The following FXYD5 variants were observed in gnomAD, a reference collection of about 807,000 sequenced individuals.
FXYD5 encodes FXYD domain-containing ion transport regulator 5.
A neutral mutation model predicts 25.7 loss-of-function variants in FXYD5; 21 were observed. The ratio of observed to expected loss-of-function variants is 0.82; its 90% CI spans 0.58 to 1.18. The LOEUF (loss-of-function observed/expected upper bound fraction) is 1.18. Ranked by LOEUF, FXYD5 falls within the 50% of genes most tolerant of loss-of-function variation. FXYD5 has a pLI of 0.00. For synonymous variants in FXYD5, 101 were observed against 90.7 expected (o/e 1.11, Z -0.64); for missense variants, 229 against 227.7 (o/e 1.01, Z -0.04).
intron 5 of FXYD5, among the ~76,000 whole-genome samples, chr19:35,162,746 C>T (rs1323549143): frequency 6.6e-6 from 1 of 152,162 alleles, no homozygotes; most frequent in East Asian, 1.9e-4. Context: ...CTCAATATCC[C>T]TACTTGGGAT....
intron 3 of FXYD5, 109 bp downstream of exon 3, chr19:35,157,610 A>C: frequency 1.5e-6 from 1 of 646,166 alleles, no homozygotes; most frequent in Non-Finnish European, 2.8e-6. Context: ...TGTAACGAAA[A>C]AGTCCAGGTA....
At chr19:35,162,270 T>C (rs1342788729) in intron 5 of FXYD5, among the ~76,000 whole-genome samples, 1 of 151,930 alleles carries the variant, frequency 6.6e-6, no homozygotes, top group East Asian at 1.9e-4. Context: ...TCCTCCTCTA[T>C]CTTTGCTTCT....
intron 8 of FXYD5, among the ~76,000 whole-genome samples, chr19:35,169,231 C>T (rs1265593512): frequency 6.6e-6 from 1 of 152,220 alleles, no homozygotes; most frequent in Non-Finnish European, 1.5e-5. Flanking sequence ...TAATTTTTCT[C>T]CTTGTTGGTC....
At chr19:35,155,486 CG>C in intron 1 of FXYD5, 64 bp from the exon 2 acceptor site, 1 of 1,325,526 alleles carries the variant, frequency 7.5e-7, no homozygotes, top group Non-Finnish European at 1.1e-6. Flanking sequence ...GCAGGATCCC[CG>C]GGGGCTGCCG....
chr19:35,157,442 C>T lies in FXYD5; in HGVS notation c.83C>T (p.Thr28Met), dbSNP rs750600377. ...CCAGGACAGACGTTGAAAGATACCA[C>T]GTCCAGTTCTTCAGCAGACTCAACT... is the stretch of plus-strand genomic sequence containing the variant. ...PTRGQTLKDT[T>M]SSSSADSTIM... Residue 28 changes from threonine to methionine, a missense_variant, in exon 3 of 9, where the codon ACG becomes ATG. By Grantham distance (81) the Thr-to-Met change is moderately conservative. Transcript: ENST00000392219. 23 of 1,595,162 alleles carry T rather than the reference C, an allele frequency of 1.4e-5. No individual in the cohort carries two copies. The highest frequency in any genetic ancestry group is 5.4e-5 in the African/African-American group (4 of 74,478).
chr19:35,169,866 G>A lies in FXYD5; in HGVS notation c.*251G>A. ...CTCCTCTGCTAAGACAAAAAGTAAA[G>A]CACTGTGGTCTTTGCCCCAGGATCT... On this transcript the variant is annotated 3_prime_UTR_variant, in exon 9 of 9. Transcript: ENST00000392219. 2.0e-6 allele frequency: 1 copy of A among 506,100 alleles called. No individual in the cohort carries two copies. The highest frequency in any genetic ancestry group is 3.6e-6 in the Non-Finnish European group (1 of 278,768). 31.4% of individuals were successfully genotyped at this position (506,100 alleles called of 1,614,324 possible).
At chr19:35,161,358 G>T (rs900676175) in intron 5 of FXYD5, among the ~76,000 whole-genome samples, 6 of 152,058 alleles carry the variant, frequency 3.9e-5, no homozygotes, top group African/African-American at 1.2e-4. Flanking sequence ...CCCTCTCTTG[G>T]TTCTGTTGTC....
At chr19:35,168,576 G>A (rs770837135) in intron 8 of FXYD5, among the ~76,000 whole-genome samples, 2 of 152,128 alleles carry the variant, frequency 1.3e-5, no homozygotes, top group Non-Finnish European at 2.9e-5. Flanking sequence ...GCTGGAGGAG[G>A]CAAGGGTGGC....
At chr19:35,155,393 C>T (rs1381118030) in intron 1 of FXYD5, 158 bp from the exon 2 acceptor site, 1 of 655,794 alleles carries the variant, frequency 1.5e-6, no homozygotes, top group Non-Finnish European at 2.8e-6. Flanking sequence ...CTAAGACCCT[C>T]CCCTTTCCCC....
intron 7 of FXYD5, 37 bp downstream of exon 7, chr19:35,166,208 G>A (rs368642238): frequency 3.7e-6 from 6 of 1,611,970 alleles, no homozygotes; most frequent in African/African-American, 1.3e-5. Flanking sequence ...GGAAGGAAAG[G>A]TGAGGTCCGT....
intron 1 of FXYD5, 62 bp from the exon 2 acceptor site, chr19:35,155,489 G>A: frequency 7.4e-7 from 1 of 1,343,108 alleles, no homozygotes; most frequent in Non-Finnish European, 1.1e-6. Context: ...GGATCCCCGG[G>A]GGCTGCCGGA....
chr19:35,158,960 C>G (rs1375793501), intron 4 of FXYD5, among the ~76,000 whole-genome samples: 1 of 152,020 alleles, frequency 6.6e-6, no homozygotes, highest in Non-Finnish European at 1.5e-5. Context: ...GACTCCATCT[C>G]TACAGAAAAA....
At chr19:35,155,999 A>G (rs976523836) in intron 2 of FXYD5, among the ~76,000 whole-genome samples, 1 of 152,248 alleles carries the variant, frequency 6.6e-6, no homozygotes, top group Admixed American at 6.5e-5. Flanking sequence ...GGGTTAGTCC[A>G]AAGAGTTGGC....
rs150419745 is a variant in FXYD5 at position 35,166,435 on chromosome 19, A to G, written c.487+110A>G. ...CAATTTTGTTTTAAATGAGGTATCT[A>G]TTAGCTGCATATACATACAAACCAC... On this transcript the variant is annotated intron_variant, in intron 8 of 8. Transcript: ENST00000392219. 8.6e-4 allele frequency: 593 copies of G among 688,082 alleles called. 4 individuals are homozygous for G. The Middle Eastern group carries it at 0.023, about 27-fold the overall frequency. The allele number at this position is 688,082 out of a possible 1,614,324, so 42.6% of individuals were successfully genotyped here. A position where few individuals can be genotyped will look rare whatever the true frequency, so the allele number is the denominator to read the frequency against.
At chr19:35,169,370 G>T (rs1432734193) in intron 8 of FXYD5, among the ~76,000 whole-genome samples, 196 bp from the exon 9 acceptor site, 1 of 151,710 alleles carries the variant, frequency 6.6e-6, no homozygotes. Context: ...GCTCATCTGT[G>T]AGCCTGTGTG....
chr19:35,158,658 C>G (rs947953370), intron 4 of FXYD5, among the ~76,000 whole-genome samples: 4 of 152,166 alleles, frequency 2.6e-5, no homozygotes, highest in African/African-American at 9.7e-5. Context: ...ATAACTTACT[C>G]TAAATTGAAT....
chr19:35,155,648 C>G (rs377315579), intron 2 of FXYD5, 37 bp downstream of exon 2: 2 of 1,499,742 alleles, frequency 1.3e-6, no homozygotes, highest in Non-Finnish European at 1.8e-6. Context: ...TGCCCCAGAG[C>G]CCCCAGCCAG....
chr19:35,167,800 G>A lies in FXYD5; in HGVS notation c.487+1475G>A, dbSNP rs150516520. ...TCTGAGAGTCAAGCACTGTTGCCTCGGTCATACAACATGTATGTGTTGATC... is the reference window on the plus strand; with the variant it reads ...TCTGAGAGTCAAGCACTGTTGCCTCAGTCATACAACATGTATGTGTTGATC... On this transcript the variant is annotated intron_variant, in intron 8 of 8. Transcript: ENST00000392219. 1.5e-3 allele frequency among the ~76,000 whole-genome samples: 221 copies of A among 152,164 alleles called. 1 individual carries two copies. The highest frequency in any genetic ancestry group is 5.1e-3 in the African/African-American group (210 of 41,500).
At chr19:35,157,661 G>T in intron 3 of FXYD5, 160 bp downstream of exon 3, 4 of 533,212 alleles carry the variant, frequency 7.5e-6, no homozygotes, top group East Asian at 3.6e-5. Context: ...CTCAAATGAT[G>T]CTATCAGAAC....
Sources: gnomAD v4.1 joint callset for allele counts (sites outside exome capture counted in the v4.1 genomes callset) on GRCh38, gnomAD v4.1.1 for gene constraint, MANE v1.5 for transcripts, NCBI Gene and HGNC (gene_info 2026-07-23, HGNC 2026-07-21) for gene names.